The following SLC2A9 variants were observed in gnomAD, a reference collection of about 807,000 sequenced individuals.
SLC2A9 encodes the protein solute carrier family 2, facilitated glucose transporter member 9.
A neutral mutation model predicts 50.6 loss-of-function variants in SLC2A9; 39 were observed. The observed-to-expected ratio is 0.77, with a 90% CI of 0.60 to 1.01. The LOEUF (loss-of-function observed/expected upper bound fraction) is 1.01, where lower values mean the gene tolerates loss of function less well. Ranked by LOEUF, SLC2A9 falls within the 50% of genes least tolerant of loss-of-function variation. The pLI is 0.00. For missense variants in SLC2A9, 686 were observed against 677.6 expected, an observed-to-expected ratio of 1.01 and a Z score of -0.14; for synonymous variants, 324 against 276.9, an observed-to-expected ratio of 1.17 and a Z score of -1.69.
At chr4:9,916,766 A>G (rs1742917489) in intron 7 of SLC2A9, among the ~76,000 whole-genome samples, 1 of 152,186 alleles carries the variant, frequency 6.6e-6, no homozygotes, top group Non-Finnish European at 1.5e-5. Flanking sequence ...GGCATTCTGG[A>G]AGATAAGGGA....
downstream of SLC2A9, among the ~76,000 whole-genome samples, chr4:9,824,361 T>C (rs1025251203): frequency 6.6e-6 from 1 of 152,188 alleles, no homozygotes; most frequent in African/African-American, 2.4e-5. Flanking sequence ...TCAGGTATTC[T>C]GTTATAAGCA....
At chr4:9,817,040 G>C (rs1284564310) in intron 3 of SLC2A9, among the ~76,000 whole-genome samples, 1 of 152,102 alleles carries the variant, frequency 6.6e-6, no homozygotes, top group South Asian at 2.1e-4. Flanking sequence ...CGTCTTCAAG[G>C]CCAGCAGTGC....
At chr4:10,036,555 A>G (rs1044252563) in intron 1 of SLC2A9, among the ~76,000 whole-genome samples, 1 of 152,108 alleles carries the variant, frequency 6.6e-6, no homozygotes, top group Non-Finnish European at 1.5e-5. Context: ...TGCTTTTTCC[A>G]GTTTCCATTC....
chr4:9,829,198 G>T (rs1268680269), intron 11 of SLC2A9, among the ~76,000 whole-genome samples: 1 of 152,162 alleles, frequency 6.6e-6, no homozygotes, highest in Non-Finnish European at 1.5e-5. Context: ...GAGGTCAGAA[G>T]TTCAGGACCA....
At position 10,021,358 on chromosome 4, in the gene SLC2A9, G is replaced by A. The variant is rs138916724; in HGVS notation, c.72C>T (p.Ala24=). The part of the protein sequence containing the change: ...LVPLTDDTSH[A]GPPGPGRALL... ...GTGCCCTCCCTGGCCCTGGAGGCCC[G>A]GCGTGGCTGGTGTCATCTGTGAGGG... Residue 24 remains alanine (A), a synonymous_variant, in exon 1 of 12, where the codon GCC becomes GCT. Transcript: ENST00000264784. 222 of 1,614,238 alleles carry A rather than the reference G, an allele frequency of 1.4e-4. No individual in the cohort carries two copies. The African/African-American group carries it at 2.3e-3, about 17-fold the overall frequency.
rs1306092514 is a variant in SLC2A9, at chr4:9,913,326, T to TGAGA, written c.1003-4982_1003-4981insTCTC. ...GTTTGTGTGTGTGTGTGTGTGTGTG[T>TGAGA]GTGTGAGAGAGAGAGAGAGAGAGAG... On this transcript the variant is annotated intron_variant, in intron 7 of 11. Transcript: ENST00000264784. Among the ~76,000 whole-genome samples the TGAGA allele has an allele frequency of 1.0e-4, 13 of 129,866 alleles. No homozygotes were observed. The East Asian group carries it at 2.1e-3, about 21-fold the overall frequency. The allele number at this position is 129,866 out of a possible 152,430, so 85.2% of individuals were successfully genotyped here.
downstream of SLC2A9, among the ~76,000 whole-genome samples, chr4:9,823,043 C>T (rs1264340888): frequency 2.0e-5 from 3 of 152,210 alleles, no homozygotes; most frequent in Admixed American, 2.0e-4. Flanking sequence ...AGAGTCCTTA[C>T]ATGTTTTCAT....
chr4:9,919,584 C>T (rs1001143805), intron 7 of SLC2A9, among the ~76,000 whole-genome samples: 5 of 152,144 alleles, frequency 3.3e-5, no homozygotes, highest in Admixed American at 6.5e-5. Flanking sequence ...AGGGTGCTGG[C>T]GGGTGCCCCT....
In SLC2A9 at chr4:9,826,567, C is replaced by A. The variant is rs767928852; in HGVS notation, c.1453G>T (p.Ala485Ser). Residue 485 changes from alanine (A) to serine (S), a missense_variant, in exon 12 of 12, where the codon GCT (alanine) becomes TCT (serine). Transcript: ENST00000264784. ...ATAGCACCTGTGATACAAATTGTAG[C>A]AAAGACTAGGAAACAGTAGGTGTCC... ...SLDTYCFLVF[A>S]TICITGAIYL... is the part of the protein sequence containing the mutation. 1 of 1,614,050 alleles carries A rather than the reference C, an allele frequency of 6.2e-7. No homozygotes were observed. Among genetic ancestry groups the A allele is most frequent in the South Asian group, 1.1e-5 (1 of 91,076 alleles).
At chr4:10,040,135 AG>A (rs1393259073) in exon 1 of SLC2A9, 2 of 152,218 alleles carry the variant, frequency 1.3e-5, no homozygotes, top group Admixed American at 6.5e-5. Flanking sequence ...CTCACATTTT[AG>A]GGTTTTCCTC....
chr4:9,778,362 C>T (rs1023792591), downstream of SLC2A9, among the ~76,000 whole-genome samples: 6 of 152,110 alleles, frequency 3.9e-5, no homozygotes, highest in East Asian at 3.8e-4. Context: ...TCAAGTGATC[C>T]ACCTGCTTCA....
chr4:10,015,337 A>T (rs919858520), intron 2 of SLC2A9, among the ~76,000 whole-genome samples: 4 of 152,156 alleles, frequency 2.6e-5, no homozygotes, highest in Admixed American at 1.3e-4. Flanking sequence ...CATGGCACGG[A>T]TCTTGGATTC....
chr4:10,032,956 C>T (rs190742545), intron 1 of SLC2A9, among the ~76,000 whole-genome samples: 14 of 152,210 alleles, frequency 9.2e-5, no homozygotes, highest in East Asian at 3.9e-4. Context: ...CTTTGCAGGT[C>T]GAGTGCTGCA....
chr4:9,917,774 G>A (rs1273583031), intron 7 of SLC2A9, among the ~76,000 whole-genome samples: 1 of 152,210 alleles, frequency 6.6e-6, no homozygotes, highest in Non-Finnish European at 1.5e-5. Flanking sequence ...GGCAGTGTCT[G>A]GAGCCATTTT....
intron 10 of SLC2A9, among the ~76,000 whole-genome samples, chr4:9,861,988 C>T (rs183453624): frequency 6.6e-6 from 1 of 152,332 alleles, no homozygotes; most frequent in Non-Finnish European, 1.5e-5. Flanking sequence ...CCCTACTATC[C>T]TTCCAACTTC....
chr4:9,828,046 T>C (rs1725426859), intron 11 of SLC2A9, among the ~76,000 whole-genome samples: 1 of 152,254 alleles, frequency 6.6e-6, no homozygotes, highest in South Asian at 2.1e-4. Flanking sequence ...AATGGACATC[T>C]GACTTATCAA....
chr4:9,944,640 G>A (rs1463746753), intron 5 of SLC2A9, among the ~76,000 whole-genome samples: 2 of 152,186 alleles, frequency 1.3e-5, no homozygotes, highest in African/African-American at 2.4e-5. Flanking sequence ...CACATCCCTG[G>A]GGTGAACAGC....
At chr4:9,779,891 T>G (rs927303920) in exon 4 of SLC2A9, 2 of 152,234 alleles carry the variant, frequency 1.3e-5, no homozygotes, top group African/African-American at 4.8e-5. Context: ...TCCAAGCTCT[T>G]GTCTGACATC....
At chr4:9,852,705 G>C (rs1730162459) in intron 10 of SLC2A9, among the ~76,000 whole-genome samples, 1 of 152,166 alleles carries the variant, frequency 6.6e-6, no homozygotes, top group South Asian at 2.1e-4. Context: ...GTTCCTGAAG[G>C]GAGTGCTAAA....
Sources: allele counts gnomAD v4.1 joint callset (sites outside exome capture counted in the v4.1 genomes callset), GRCh38; gene constraint gnomAD v4.1.1; transcripts MANE v1.5; gene names NCBI Gene and HGNC (gene_info 2026-07-23, HGNC 2026-07-21).